CELSR1: variants seen among roughly 807,000 people sequenced by gnomAD.
CELSR1 encodes cadherin EGF LAG seven-pass G-type receptor 1.
A neutral mutation model predicts 249.1 loss-of-function variants in CELSR1; 110 were observed. That is an observed-to-expected ratio of 0.44 (90% confidence interval 0.38 to 0.52). CELSR1 has a LOEUF of 0.52. CELSR1 is among the 20% of genes least tolerant of loss of function. The probability of loss-of-function intolerance (pLI) is 0.00; values close to 1 mark genes in which losing one functional copy is unlikely to be tolerated. For missense variants in CELSR1, 4,109 were observed against 4,296.4 expected (o/e 0.96, Z 1.22); for synonymous variants, 2,113 against 1,900.0 (o/e 1.11, Z -2.92).
In CELSR1 at chr22:46,447,076, C is replaced by T. The variant is rs151300007; in HGVS notation, c.4184-7665G>A. ...GGCTGCTAGCATGAGTGGATTACAG[C>T]GCTGTTTAAACAAGGTAACTGGAGG... On this transcript the variant is annotated intron_variant, in intron 2 of 34. Transcript: ENST00000674500. This position sits in a 1 kb window ranked among gnomAD's most constrained non-coding sequence, Gnocchi z 4.7. Among the ~76,000 whole-genome samples, 1,114 of 152,142 alleles carry T rather than the reference C, an allele frequency of 7.3e-3. 9 individuals carry two copies. The highest frequency in any genetic ancestry group is 0.025 in the African/African-American group (1,049 of 41,520).
Position 46,463,764 on chromosome 22 carries a change from C to T in CELSR1, c.4126G>A (p.Gly1376Ser), listed in dbSNP as rs1260595244. The change falls in exon 2 of 35, where the codon GGC becomes AGC. Residue 1376 changes from glycine (G) to serine (S), a missense_variant. Physicochemically the swap from Gly to Ser is moderately conservative, Grantham distance 56. Around this residue, in one of 7 missense-constraint regions of CELSR1, gnomAD observed 453 missense variants for 492.0 expected, o/e 0.92. Transcript: ENST00000674500. Reference sequence around the variant, plus strand: ...CCGCCCTCGCGGCTGCGGCAGCGGCCGTTGGCGCCGCACGGGTCGGAGTAG... The same window carrying T: ...CCGCCCTCGCGGCTGCGGCAGCGGCTGTTGGCGCCGCACGGGTCGGAGTAG... ...LCYSDPCGAN[G>S]RCRSREGGYT... The T allele has an allele frequency of 1.3e-6, 2 of 1,551,378 alleles. No individual in the cohort carries two copies. Among genetic ancestry groups the T allele is most frequent in the East Asian group, 2.3e-5 (1 of 44,170 alleles).
intron 9 of CELSR1, among the ~76,000 whole-genome samples, chr22:46,403,303 C>G (rs965771903): frequency 6.6e-6 from 1 of 151,584 alleles, no homozygotes; most frequent in African/African-American, 2.4e-5. Context: ...AATCCCAGCA[C>G]TTTGGGAGGC....
chr22:46,424,488 T>C lies in CELSR1; in HGVS notation c.4611+8905A>G, dbSNP rs938891079. Among the ~76,000 whole-genome samples the C allele has an allele frequency of 5.3e-5, 8 of 152,130 alleles. No homozygotes were observed. The East Asian group carries it at 1.5e-3, about 29-fold the overall frequency. ...ATGTACCCCTTACAGTTTCCATCCA[T>C]GGAAACACCCTGCAAAAAGATAGTA... On this transcript the variant is annotated intron_variant, in intron 5 of 34. Transcript: ENST00000674500.
At chr22:46,453,592 G>A (rs914957995) in intron 2 of CELSR1, among the ~76,000 whole-genome samples, 5 of 152,224 alleles carry the variant, frequency 3.3e-5, no homozygotes, top group African/African-American at 1.2e-4. Context: ...GCCCCCAGGA[G>A]CAGGACAGAG....
Position 46,439,279 on chromosome 22 carries a change from T to C in CELSR1, c.4316A>G (p.Tyr1439Cys). ...GAAGCTCCTGGTGGTCACCTCACAGTAGGGCCTCTCATACTCGCCAGGAGG... is the reference window on the plus strand; with the variant it reads ...GAAGCTCCTGGTGGTCACCTCACAGCAGGGCCTCTCATACTCGCCAGGAGG... The part of the protein sequence containing the change: ...VCPPGEYERP[Y>C]CEVTTRSFPP... The change falls in exon 3 of 35, where the codon TAC (tyrosine) becomes TGC (cysteine). Residue 1439 changes from tyrosine (Y) to cysteine (C), a missense_variant. Transcript: ENST00000674500. 4 of 1,613,884 alleles carry C rather than the reference T, an allele frequency of 2.5e-6. No homozygotes were observed. The highest frequency in any genetic ancestry group is 3.4e-6 in the Non-Finnish European group (4 of 1,179,962).
chr22:46,457,007 C>T lies in CELSR1; in HGVS notation c.4183+6700G>A, dbSNP rs576930451. Among the ~76,000 whole-genome samples, 9 of 152,256 alleles carry T rather than the reference C, an allele frequency of 5.9e-5. No homozygotes were observed. The South Asian group carries it at 8.3e-4, about 14-fold the overall frequency. On this transcript the variant is annotated intron_variant, in intron 2 of 34. Transcript: ENST00000674500. The stretch of plus-strand genomic sequence containing the variant: ...GCTCCCAAGTGGCTACTCACCTACT[C>T]GGTTCCTGATTCCCAAACCAAGCTA...
chr22:46,367,699 G>T, intron 28 of CELSR1, 30 bp downstream of exon 28: 1 of 1,575,406 alleles, frequency 6.3e-7, no homozygotes, highest in South Asian at 1.2e-5. Context: ...GCCAGGCAGG[G>T]GTCCCGCGGG....
At chr22:46,419,199 T>A (rs943834240) in intron 5 of CELSR1, among the ~76,000 whole-genome samples, 1 of 152,084 alleles carries the variant, frequency 6.6e-6, no homozygotes, top group Non-Finnish European at 1.5e-5. Flanking sequence ...CCCCCAGGTG[T>A]TTTGGGAGCC....
In CELSR1 at chr22:46,506,678, G is replaced by A. The variant is rs969530086; in HGVS notation, c.3544+26949C>T. Among the ~76,000 whole-genome samples, 8 of 152,052 alleles carry A rather than the reference G, an allele frequency of 5.3e-5. No homozygotes were observed. The highest frequency in any genetic ancestry group is 8.8e-5 in the Non-Finnish European group (6 of 68,022). Reference sequence around the variant, plus strand: ...TTTTCAGGGCATACCCTCCCTACCCGCAGTGACGCACAGCCGCTGAGACAA... The same window carrying A: ...TTTTCAGGGCATACCCTCCCTACCCACAGTGACGCACAGCCGCTGAGACAA... On this transcript the variant is annotated intron_variant, in intron 1 of 34. Transcript: ENST00000674500. The surrounding 1 kb of genome is among the most constrained non-coding windows in gnomAD (Gnocchi z 4.1).
rs1252481219 is a variant in CELSR1 at position 46,386,402 on chromosome 22, T to C, written c.6739A>G (p.Ile2247Val). Residue 2247 changes from isoleucine to valine, a missense_variant and splice_region_variant, in exon 19 of 35, where the codon ATT (isoleucine) becomes GTT (valine). Around this residue, in one of 7 missense-constraint regions of CELSR1, gnomAD observed 1,805 missense variants for 1,831.6 expected, o/e 0.99. Coordinates refer to ENST00000674500, the MANE Select transcript of CELSR1 (RefSeq NM_001378328.1). ...RPFVIVTANM[I>V]LAVDIFDKFN... Reference sequence around the variant, plus strand: ...ACCCCCAACGCAGCCAGCGCCTTACTCATGTTGGCGGTGACGATGACGAAG... The same window carrying C: ...ACCCCCAACGCAGCCAGCGCCTTACCCATGTTGGCGGTGACGATGACGAAG... 1.3e-6 allele frequency: 2 copies of C among 1,564,050 alleles called. No homozygotes were observed. The highest frequency in any genetic ancestry group is 1.7e-6 in the Non-Finnish European group (2 of 1,154,112).
chr22:46,376,456 C>T (rs1458268981), intron 24 of CELSR1, among the ~76,000 whole-genome samples: 1 of 152,172 alleles, frequency 6.6e-6, no homozygotes. Flanking sequence ...CTCACTGCAA[C>T]CTCTGCCTCC....
chr22:46,507,333 G>A (rs539399475), intron 1 of CELSR1, among the ~76,000 whole-genome samples: 69 of 150,260 alleles, frequency 4.6e-4, no homozygotes, highest in African/African-American at 1.2e-3. Flanking sequence ...TGCTGAAGTC[G>A]GGGGGGTAGC....
rs992104920 is a variant in CELSR1 at position 46,410,528 on chromosome 22, C to T, written c.4803G>A (p.Gly1601=). ...AGTCTTCTGGCAGGTTGGGGACACC[C>T]CCCAGGAGTAGAGGGCCGGTCAGAT... ...SLDLTGPLLL[G]GVPNLPEDFP... is the part of the protein sequence containing the mutation. The change falls in exon 7 of 35, where the codon GGG becomes GGA. Residue 1601 remains glycine (G), a synonymous_variant. Transcript: ENST00000674500. This position sits in a 1 kb window ranked among gnomAD's most constrained non-coding sequence, Gnocchi z 6.8. 5 of 1,613,948 alleles carry T rather than the reference C, an allele frequency of 3.1e-6. No individual in the cohort carries two copies. The African/African-American group carries it at 5.3e-5, about 17-fold the overall frequency.
intron 28 of CELSR1, 30 bp downstream of exon 28, chr22:46,367,679 TGTCACGGCGGCCAGGCAGGG>T (rs769403837): frequency 1.3e-6 from 2 of 1,560,834 alleles, no homozygotes; most frequent in Non-Finnish European, 1.7e-6. Context: ...ACAGCGATGG[TGTCACGGCGGCCAGGCAGGG>T]GTCCCGCGGG....
Position 46,399,859 on chromosome 22 carries a change from G to A in CELSR1, c.5270C>T (p.Ser1757Phe), listed in dbSNP as rs749806350. 1.2e-6 allele frequency: 2 copies of A among 1,614,166 alleles called. No individual in the cohort carries two copies. The highest frequency in any genetic ancestry group is 4.5e-5 in the East Asian group (2 of 44,884). The change falls in exon 10 of 35, where the codon TCC (serine) becomes TTC (phenylalanine). Residue 1757 changes from serine (S) to phenylalanine (F), a missense_variant. By Grantham distance (155) the Ser-to-Phe change is radical. Coordinates refer to ENST00000674500, the MANE Select transcript of CELSR1 (RefSeq NM_001378328.1). This position sits in a 1 kb window ranked among gnomAD's most constrained non-coding sequence, Gnocchi z 5.0. ...YLQFEVSHGPSDVESVMLSGL... is the reference protein window; with the variant it reads ...YLQFEVSHGPFDVESVMLSGL... ...GGACAGCATCACGGACTCCACATCG[G>A]AGGGGCCGTGGGACACCTCAAACTG...
intron 1 of CELSR1, among the ~76,000 whole-genome samples, chr22:46,474,056 G>A (rs780981549): frequency 1.1e-4 from 16 of 152,180 alleles, no homozygotes; most frequent in Non-Finnish European, 1.8e-4. Context: ...CAGGAGAGCA[G>A]AGTCTCATCC....
In CELSR1 at chr22:46,410,423, G is replaced by A. The variant is rs776435001; in HGVS notation, c.4908C>T (p.Phe1636=). 26 of 1,613,918 alleles carry A rather than the reference G, an allele frequency of 1.6e-5. No individual in the cohort carries two copies. In the South Asian group the frequency reaches 2.9e-4, roughly 18 times the overall value. Residue 1636 remains phenylalanine, a synonymous_variant, in exon 7 of 35, where the codon TTC becomes TTT. Coordinates refer to ENST00000674500, the MANE Select transcript of CELSR1 (RefSeq NM_001378328.1). The surrounding 1 kb of genome is among the most constrained non-coding windows in gnomAD (Gnocchi z 6.8). ...VDGKNVDMAG[F]IANNGTREGC... Reference sequence around the variant, plus strand: ...CTTCCCGGGTGCCATTGTTGGCGATGAATCCGGCCATGTCCACATTTTTGC... The same window carrying A: ...CTTCCCGGGTGCCATTGTTGGCGATAAATCCGGCCATGTCCACATTTTTGC...
chr22:46,443,302 G>A (rs2147488418), intron 2 of CELSR1, among the ~76,000 whole-genome samples: 1 of 152,300 alleles, frequency 6.6e-6, no homozygotes, highest in South Asian at 2.1e-4. Context: ...ACAGGCCAGG[G>A]GGGTGCTTTC....
At position 46,374,961 on chromosome 22, in the gene CELSR1, C is replaced by T. The variant is rs1226612076; in HGVS notation, c.7585-1904G>A. 6.6e-6 allele frequency among the ~76,000 whole-genome samples: 1 copy of T among 152,160 alleles called. No individual in the cohort carries two copies. Among genetic ancestry groups the T allele is most frequent in the Non-Finnish European group, 1.5e-5 (1 of 68,020 alleles). ...GGTTGGCCCTGGCTGGTCTGACACA[C>T]GCCTCGGGGCTCGTCCTTCATGGGC... On this transcript the variant is annotated intron_variant, in intron 24 of 34. Transcript: ENST00000674500. This position sits in a 1 kb window ranked among gnomAD's most constrained non-coding sequence, Gnocchi z 4.3.
Sources: gnomAD v4.1 joint callset for allele counts (sites outside exome capture counted in the v4.1 genomes callset) on GRCh38, gnomAD v4.1.1 for gene constraint, gnomAD v4.1.1 regional missense constraint, Gnocchi (gnomAD v3.1) non-coding constraint, MANE v1.5 for transcripts, NCBI Gene and HGNC (gene_info 2026-07-23, HGNC 2026-07-21) for gene names.